The following DLG2 variants were observed in gnomAD, a reference collection of about 807,000 sequenced individuals.
DLG2 encodes disks large homolog 2.
DLG2 carries 45 observed loss-of-function variants against 132.5 expected under a neutral mutation model. The observed-to-expected ratio is 0.34, with a 90% confidence interval of 0.27 to 0.44. The LOEUF (loss-of-function observed/expected upper bound fraction) is 0.44, where lower values mean the gene tolerates loss of function less well. Ranked by LOEUF, DLG2 falls within the 20% of genes least tolerant of loss-of-function variation. DLG2 has a pLI of 1.00. For synonymous variants in DLG2, 424 were observed against 419.6 expected, an observed-to-expected ratio of 1.01 and a Z score of -0.13; for missense variants, 1,045 against 1,196.9, an observed-to-expected ratio of 0.87 and a Z score of 1.87.
intron 3 of DLG2, among the ~76,000 whole-genome samples, chr11:85,496,477 C>T (rs1281708072): frequency 6.6e-6 from 1 of 152,208 alleles, no homozygotes; most frequent in Non-Finnish European, 1.5e-5. Flanking sequence ...CTAGATTCCA[C>T]CTCTGGGGAC....
chr11:84,265,111 G>A (rs969484630), intron 7 of DLG2, among the ~76,000 whole-genome samples: 2 of 152,052 alleles, frequency 1.3e-5, no homozygotes, highest in Non-Finnish European at 2.9e-5. Context: ...TAATCTCTCT[G>A]AAAATTTCTA....
chr11:85,009,558 G>A (rs1050540780), intron 6 of DLG2, among the ~76,000 whole-genome samples: 1 of 152,034 alleles, frequency 6.6e-6, no homozygotes, highest in Non-Finnish European at 1.5e-5. Flanking sequence ...GATATGAATT[G>A]TAAATATCAA....
At chr11:84,557,890 T>C (rs2099415131) in intron 6 of DLG2, among the ~76,000 whole-genome samples, 2 of 152,158 alleles carry the variant, frequency 1.3e-5, no homozygotes, top group Non-Finnish European at 2.9e-5. Context: ...ATGATCTTAC[T>C]ACAAAGTAGT....
intron 6 of DLG2, among the ~76,000 whole-genome samples, chr11:84,743,760 T>C (rs1253523163): frequency 6.6e-6 from 1 of 152,160 alleles, no homozygotes; most frequent in African/African-American, 2.4e-5. Flanking sequence ...TCTTTTTTTT[T>C]TTGAGACAGG....
chr11:85,294,398 A>G (rs751087921), intron 3 of DLG2, among the ~76,000 whole-genome samples: 14 of 152,154 alleles, frequency 9.2e-5, no homozygotes, highest in Admixed American at 9.2e-4. Flanking sequence ...TGAAGTATAC[A>G]GTGCAGAATG....
At chr11:85,026,476 G>A (rs1367540623) in intron 6 of DLG2, among the ~76,000 whole-genome samples, 1 of 152,088 alleles carries the variant, frequency 6.6e-6, no homozygotes, top group Non-Finnish European at 1.5e-5. Flanking sequence ...ACAGAATTTT[G>A]TTGGGAATAT....
intron 19 of DLG2, among the ~76,000 whole-genome samples, chr11:83,575,011 T>C (rs2096852829): frequency 6.6e-6 from 1 of 152,176 alleles, no homozygotes; most frequent in African/African-American, 2.4e-5. Flanking sequence ...AAGACTTGCC[T>C]AAGTAAGTTT....
intron 26 of DLG2, among the ~76,000 whole-genome samples, chr11:83,462,930 G>A (rs12270898): frequency 0.21 from 32,169 of 151,688 alleles, 3,794 homozygotes; most frequent in Non-Finnish European, 0.27. Context: ...TTATCTTTCC[G>A]GGTCTTCCAG....
intron 4 of DLG2, among the ~76,000 whole-genome samples, chr11:85,183,283 T>C (rs187371936): frequency 6.6e-6 from 1 of 151,998 alleles, no homozygotes; most frequent in Admixed American, 6.6e-5. Context: ...GGCTCTAAAA[T>C]TCTGACTAAT....
At chr11:84,319,371 G>A (rs2098390000) in intron 7 of DLG2, among the ~76,000 whole-genome samples, 1 of 152,184 alleles carries the variant, frequency 6.6e-6, no homozygotes, top group South Asian at 2.1e-4. Context: ...ACTCTCAAAT[G>A]AGAATGTCGG....
At chr11:84,650,902 A>AAT (rs2099681306) in intron 6 of DLG2, among the ~76,000 whole-genome samples, 1 of 78,988 alleles carries the variant, frequency 1.3e-5, no homozygotes, top group African/African-American at 5.1e-5. Flanking sequence ...TATATATATA[A>AAT]AATTTTTGTG....
Position 84,252,140 on chromosome 11 carries a change from C to CTTTTTTTTTTTTTTTTTT in DLG2, c.520-867_520-850dup, listed in dbSNP as rs1176873990. ...GCTGTATCCTGTATTTTCTTTCTTT[C>CTTTTTTTTTTTTTTTTTT]TTTTTTTTTTTTTTTTTTTTTTTTT... is the stretch of plus-strand genomic sequence containing the variant. On this transcript the variant is annotated intron_variant, in intron 7 of 27. Coordinates refer to ENST00000376104, the MANE Select transcript of DLG2 (RefSeq NM_001142699.3). Among the ~76,000 whole-genome samples the CTTTTTTTTTTTTTTTTTT allele has an allele frequency of 5.4e-4, 35 of 65,350 alleles. 2 individuals carry two copies. The highest frequency in any genetic ancestry group is 9.3e-4 in the East Asian group (2 of 2,162). The allele number at this position is 65,350 out of a possible 152,430, so 42.9% of individuals were successfully genotyped here.
At chr11:83,906,928 G>A (rs188606381) in intron 15 of DLG2, among the ~76,000 whole-genome samples, 13 of 152,238 alleles carry the variant, frequency 8.5e-5, no homozygotes, top group Non-Finnish European at 1.5e-4. Context: ...AGAAATTACC[G>A]TATATACCTA....
chr11:85,235,564 AG>A (rs36016185), intron 4 of DLG2, among the ~76,000 whole-genome samples: 28 of 152,102 alleles, frequency 1.8e-4, no homozygotes, highest in African/African-American at 6.5e-4. Flanking sequence ...AATTTTAACA[AG>A]GGAGTTGGGG....
chr11:85,028,774 C>T (rs1386791446), intron 6 of DLG2, among the ~76,000 whole-genome samples: 1 of 152,146 alleles, frequency 6.6e-6, no homozygotes, highest in Non-Finnish European at 1.5e-5. Flanking sequence ...CCTGAAAGCA[C>T]AGGGAAATCC....
intron 7 of DLG2, among the ~76,000 whole-genome samples, chr11:84,328,791 ACATTTT>A (rs1181758481): frequency 5.9e-5 from 9 of 152,212 alleles, no homozygotes; most frequent in Admixed American, 5.2e-4. Context: ...TAGAGACCTA[ACATTTT>A]GGTAAAGTTT....
chr11:83,582,694 A>T (rs1188824478), intron 19 of DLG2, among the ~76,000 whole-genome samples: 1 of 152,232 alleles, frequency 6.6e-6, no homozygotes, highest in East Asian at 1.9e-4. Flanking sequence ...CTGATTTTCA[A>T]ACAAAATGTA....
intron 9 of DLG2, among the ~76,000 whole-genome samples, chr11:84,121,001 CT>C (rs1313172161): frequency 4.6e-5 from 7 of 152,164 alleles, no homozygotes; most frequent in African/African-American, 1.7e-4. Context: ...TTTGTCTTTA[CT>C]CTTGCTCATT....
intron 10 of DLG2, among the ~76,000 whole-genome samples, chr11:84,094,806 C>G (rs2097144291): frequency 6.6e-6 from 1 of 151,984 alleles, no homozygotes; most frequent in Non-Finnish European, 1.5e-5. Context: ...TGGGAGGATA[C>G]AAATATTAAG....
Sources: allele counts gnomAD v4.1 joint callset (sites outside exome capture counted in the v4.1 genomes callset), GRCh38; gene constraint gnomAD v4.1.1; transcripts MANE v1.5; gene names NCBI Gene and HGNC (gene_info 2026-07-23, HGNC 2026-07-21).